SMIM14: variants seen among roughly 807,000 people sequenced by gnomAD.
SMIM14 encodes the protein chromosome 4 open reading frame 34.
A neutral mutation model predicts 12.6 loss-of-function variants in SMIM14; 5 were observed. The observed-to-expected ratio is 0.40, with a 90% CI of 0.21 to 0.83. The LOEUF is 0.83. Among genes scored for constraint, SMIM14 ranks in the 40% least tolerant of loss-of-function variants. The probability of loss-of-function intolerance (pLI) is 0.37; values close to 1 mark genes in which losing one functional copy is unlikely to be tolerated. For synonymous variants in SMIM14, 30 were observed against 40.1 expected (o/e 0.75, Z 0.95); for missense variants, 86 against 119.1 (o/e 0.72, Z 1.29).
chr4:39,636,442 T>G (rs773463945), intron 1 of SMIM14, among the ~76,000 whole-genome samples: 2 of 152,192 alleles, frequency 1.3e-5, no homozygotes, highest in African/African-American at 2.4e-5. Flanking sequence ...AATGTTACAT[T>G]ATCATAGAGA....
In SMIM14 at chr4:39,572,429, T is replaced by C; in HGVS notation, c.110A>G (p.Glu37Gly). The change falls in exon 3 of 5, where the codon GAG becomes GGG. Residue 37 changes from glutamate (E) to glycine (G), a missense_variant. Glu to Gly is a moderately conservative substitution (Grantham distance 98). Coordinates refer to ENST00000295958, the MANE Select transcript of SMIM14 (RefSeq NM_174921.3). The stretch of plus-strand genomic sequence containing the variant: ...GTGGTACTTACATTCCTGAAGACAC[T>C]CTGTGTCTGTGCAGTAGGACTGGGA... ...RQSQSYCTDT[E>G]CLQELPGPSG... 1 of 1,610,524 alleles carries C rather than the reference T, an allele frequency of 6.2e-7. No homozygotes were observed. Among genetic ancestry groups the C allele is most frequent in the South Asian group, 1.1e-5 (1 of 90,626 alleles).
At chr4:39,579,975 C>T (rs573834225) in intron 2 of SMIM14, among the ~76,000 whole-genome samples, 29 of 151,622 alleles carry the variant, frequency 1.9e-4, no homozygotes, top group Admixed American at 4.0e-4. Context: ...GGAAATTCTT[C>T]GAAAAAAAAT....
At chr4:39,559,880 G>C (rs988714802) in intron 3 of SMIM14, among the ~76,000 whole-genome samples, 1 of 151,940 alleles carries the variant, frequency 6.6e-6, no homozygotes, top group African/African-American at 2.4e-5. Context: ...ACTTTGAGAG[G>C]CCAAGGCGGG....
At chr4:39,615,003 A>G (rs1337659511) in intron 1 of SMIM14, among the ~76,000 whole-genome samples, 1 of 152,188 alleles carries the variant, frequency 6.6e-6, no homozygotes, top group Non-Finnish European at 1.5e-5. Context: ...CTGTTAACCA[A>G]TTTATCATTG....
chr4:39,607,844 T>C (rs1714870684), intron 1 of SMIM14, among the ~76,000 whole-genome samples: 1 of 152,182 alleles, frequency 6.6e-6, no homozygotes, highest in South Asian at 2.1e-4. Context: ...TAACAAAAGA[T>C]AAGCAATTTT....
At chr4:39,596,315 G>A (rs369872156) in intron 2 of SMIM14, among the ~76,000 whole-genome samples, 42 of 152,018 alleles carry the variant, frequency 2.8e-4, no homozygotes, top group African/African-American at 9.9e-4. Context: ...GGCTGGTCTC[G>A]AACTCCCGAC....
chr4:39,615,755 T>G (rs567267878), intron 1 of SMIM14, among the ~76,000 whole-genome samples: 125 of 152,198 alleles, frequency 8.2e-4, no homozygotes, highest in Non-Finnish European at 1.3e-3. Flanking sequence ...TGGCCAGGAG[T>G]TAAAGACCAT....
At chr4:39,573,555 T>C (rs952060858) in intron 2 of SMIM14, among the ~76,000 whole-genome samples, 6 of 152,188 alleles carry the variant, frequency 3.9e-5, no homozygotes, top group Non-Finnish European at 1.5e-5. Context: ...CATTAAATAA[T>C]TTTAAAAAAA....
intron 2 of SMIM14, among the ~76,000 whole-genome samples, chr4:39,580,514 T>C (rs1713441178): frequency 6.7e-6 from 1 of 150,110 alleles, no homozygotes; most frequent in Non-Finnish European, 1.5e-5. Context: ...AAATCTTGTC[T>C]CTGTTTCTTT....
chr4:39,625,048 T>C (rs1216125259), intron 1 of SMIM14, among the ~76,000 whole-genome samples: 1 of 147,170 alleles, frequency 6.8e-6, no homozygotes, highest in East Asian at 2.0e-4. Context: ...CTACTAAAGA[T>C]ACAAAAAAAA....
intron 1 of SMIM14, among the ~76,000 whole-genome samples, chr4:39,620,313 A>C (rs1188203653): frequency 3.3e-5 from 5 of 152,070 alleles, no homozygotes; most frequent in African/African-American, 1.2e-4. Flanking sequence ...CCCCGTCTCT[A>C]CTAAAAATAC....
intron 2 of SMIM14, among the ~76,000 whole-genome samples, chr4:39,575,645 C>A (rs1226461068): frequency 6.6e-6 from 1 of 152,112 alleles, no homozygotes; most frequent in East Asian, 1.9e-4. Flanking sequence ...AATGCACTGG[C>A]ACAATCTTGG....
At chr4:39,597,869 A>G (rs140867777) in intron 2 of SMIM14, among the ~76,000 whole-genome samples, 208 of 152,316 alleles carry the variant, frequency 1.4e-3, no homozygotes, top group African/African-American at 4.8e-3. Flanking sequence ...ATGAACAGTT[A>G]GGGCATACAA....
At chr4:39,564,229 A>T (rs1712462472) in intron 3 of SMIM14, among the ~76,000 whole-genome samples, 2 of 152,168 alleles carry the variant, frequency 1.3e-5, no homozygotes, top group African/African-American at 4.8e-5. Flanking sequence ...TGGACAATAC[A>T]CCGGTATGCT....
chr4:39,560,951 G>A (rs551222112), intron 3 of SMIM14, among the ~76,000 whole-genome samples: 97 of 152,040 alleles, frequency 6.4e-4, no homozygotes, highest in Non-Finnish European at 9.9e-4. Flanking sequence ...CTCTTATCTG[G>A]TCTATTGCAG....
intron 2 of SMIM14, chr4:39,592,571 T>C (rs1249955892): frequency 1.3e-5 from 2 of 152,172 alleles, no homozygotes; most frequent in African/African-American, 4.8e-5. Context: ...TAAATCAAGG[T>C]AATGAGAAGT....
At chr4:39,585,290 C>CTATTATTATTAT (rs151026017) in intron 2 of SMIM14, among the ~76,000 whole-genome samples, 5 of 150,282 alleles carry the variant, frequency 3.3e-5, no homozygotes, top group African/African-American at 1.2e-4. Context: ...CATATTACTT[C>CTATTATTATTAT]TATTATTATT....
At chr4:39,573,096 ATTATT>A (rs1461006088) in intron 2 of SMIM14, among the ~76,000 whole-genome samples, 11 of 145,176 alleles carry the variant, frequency 7.6e-5, no homozygotes, top group African/African-American at 3.0e-4. Context: ...TATTATTATT[ATTATT>A]TTATTATTAT....
intron 1 of SMIM14, among the ~76,000 whole-genome samples, chr4:39,615,722 G>GA (rs1293428450): frequency 3.5e-4 from 53 of 152,168 alleles, no homozygotes; most frequent in African/African-American, 1.2e-3. Flanking sequence ...TAAAAAACTG[G>GA]ATGTGGATCA....
Sources: gnomAD v4.1 joint callset for allele counts (sites outside exome capture counted in the v4.1 genomes callset) on GRCh38, gnomAD v4.1.1 for gene constraint, MANE v1.5 for transcripts, NCBI Gene and HGNC (gene_info 2026-07-23, HGNC 2026-07-21) for gene names.